MAPRE3: variants seen among roughly 807,000 people sequenced by gnomAD.
MAPRE3 encodes the protein microtubule-associated protein RP/EB family member 3.
MAPRE3 carries 2 observed loss-of-function variants against 30.5 expected under a neutral mutation model. That is an observed-to-expected ratio of 0.07 (90% confidence interval 0.03 to 0.21). The LOEUF is 0.21. Among genes scored for constraint, MAPRE3 ranks in the 10% least tolerant of loss-of-function variants. The probability of loss-of-function intolerance (pLI) is 1.00; values close to 1 mark genes in which losing one functional copy is unlikely to be tolerated. For synonymous variants in MAPRE3, 110 were observed against 127.7 expected, an observed-to-expected ratio of 0.86 and a Z score of 0.93; for missense variants, 204 against 351.8, an observed-to-expected ratio of 0.58 and a Z score of 3.36.
intron 1 of MAPRE3, among the ~76,000 whole-genome samples, chr2:26,999,339 C>A (rs1396504305): frequency 1.3e-5 from 2 of 151,938 alleles, no homozygotes; most frequent in Non-Finnish European, 2.9e-5. Context: ...CACAAAATGG[C>A]AACAACCTGG....
At chr2:27,020,342 G>A (rs1290472963) in intron 1 of MAPRE3, among the ~76,000 whole-genome samples, 1 of 152,210 alleles carries the variant, frequency 6.6e-6, no homozygotes, top group East Asian at 1.9e-4. Flanking sequence ...TTATTTCACA[G>A]AGACACTTTA....
intron 1 of MAPRE3, chr2:27,014,494 T>A (rs1177427869): frequency 6.6e-6 from 1 of 152,264 alleles, no homozygotes; most frequent in African/African-American, 2.4e-5. Context: ...GGAGTTTCAG[T>A]CCCTACCTGA....
chr2:26,997,158 G>T (rs751659804), intron 1 of MAPRE3, among the ~76,000 whole-genome samples: 1 of 152,124 alleles, frequency 6.6e-6, no homozygotes, highest in Admixed American at 6.5e-5. Flanking sequence ...TGGCACCAAG[G>T]TTTTGTGGAA....
chr2:26,979,628 C>T (rs1411385272), intron 1 of MAPRE3, among the ~76,000 whole-genome samples: 1 of 152,058 alleles, frequency 6.6e-6, no homozygotes, highest in African/African-American at 2.4e-5. Context: ...CAGAACCTGA[C>T]CTTGTCTCAA....
At chr2:27,018,762 C>G (rs1347307844) in intron 1 of MAPRE3, among the ~76,000 whole-genome samples, 1 of 152,140 alleles carries the variant, frequency 6.6e-6, no homozygotes, top group Non-Finnish European at 1.5e-5. Flanking sequence ...TGACTCCAGT[C>G]TGCAATTCCA....
intron 1 of MAPRE3, among the ~76,000 whole-genome samples, chr2:27,021,071 C>T (rs955502307): frequency 1.3e-5 from 2 of 151,998 alleles, no homozygotes; most frequent in African/African-American, 2.4e-5. Context: ...CTATTTACAT[C>T]GAAGTGACAT....
chr2:26,975,984 G>C (rs1666007999), intron 1 of MAPRE3, among the ~76,000 whole-genome samples: 1 of 152,130 alleles, frequency 6.6e-6, no homozygotes, highest in Non-Finnish European at 1.5e-5. Context: ...CCCTCCATCT[G>C]TTGACCAGCT....
In MAPRE3 at chr2:27,026,382, C is replaced by T. The variant is rs776983353; in HGVS notation, c.*34C>T. The T allele has an allele frequency of 1.3e-6, 2 of 1,538,254 alleles. No individual in the cohort carries two copies. Among genetic ancestry groups the T allele is most frequent in the South Asian group, 2.3e-5 (2 of 87,560 alleles). On this transcript the variant is annotated 3_prime_UTR_variant, in exon 7 of 7. Coordinates refer to ENST00000233121, the MANE Select transcript of MAPRE3 (RefSeq NM_012326.4). ...GCAGCCCTGGCTGACTGCACAGCTT[C>T]CCCGTGCCTCCCTCCCTGCTCCACT...
intron 1 of MAPRE3, among the ~76,000 whole-genome samples, chr2:27,007,268 T>C (rs1666751381): frequency 6.6e-6 from 1 of 152,210 alleles, no homozygotes; most frequent in African/African-American, 2.4e-5. Context: ...CTAATTTAAC[T>C]CACAAAAGGC....
intron 1 of MAPRE3, among the ~76,000 whole-genome samples, chr2:27,014,243 T>C (rs575053076): frequency 1.1e-3 from 170 of 152,300 alleles, no homozygotes; most frequent in African/African-American, 3.9e-3. Flanking sequence ...AGGGTTTCCG[T>C]TAACCCTCGA....
At position 27,025,633 on chromosome 2, in the gene MAPRE3, C is replaced by T. The variant is rs1230161170; in HGVS notation, c.520C>T (p.Arg174Trp). The T allele has an allele frequency of 1.3e-5, 21 of 1,605,142 alleles. No individual in the cohort carries two copies. The highest frequency in any genetic ancestry group is 1.7e-5 in the Non-Finnish European group (20 of 1,175,554). The change falls in exon 5 of 7, where the codon CGG becomes TGG. Residue 174 changes from arginine (R) to tryptophan (W), a missense_variant. By Grantham distance (101) the Arg-to-Trp change is moderately radical. Coordinates refer to ENST00000233121, the MANE Select transcript of MAPRE3 (RefSeq NM_012326.4). ...TGPKNMQTSG[R>W]LSNVAPPCIL... ...CCCAAAAAACATGCAGACCTCTGGC[C>T]GGCTGAGCAATGTGGCCCCCCCCTG...
At chr2:26,992,289 C>T (rs1368127469) in intron 1 of MAPRE3, among the ~76,000 whole-genome samples, 2 of 150,128 alleles carry the variant, frequency 1.3e-5, no homozygotes, top group Non-Finnish European at 1.5e-5. Context: ...TGCAGTGGTA[C>T]GATCTCATCT....
intron 1 of MAPRE3, among the ~76,000 whole-genome samples, chr2:27,018,652 C>G (rs1667040434): frequency 1.3e-5 from 2 of 152,088 alleles, no homozygotes; most frequent in African/African-American, 4.8e-5. Context: ...TTTCCTTGAC[C>G]CTACCCACTC....
At chr2:26,973,399 G>A (rs1198183272) in intron 1 of MAPRE3, among the ~76,000 whole-genome samples, 2 of 152,154 alleles carry the variant, frequency 1.3e-5, no homozygotes, top group East Asian at 3.8e-4. Context: ...GCTATTGAAC[G>A]GAGGAAAGTT....
At chr2:26,991,914 C>A (rs1666353235) in intron 1 of MAPRE3, among the ~76,000 whole-genome samples, 1 of 152,276 alleles carries the variant, frequency 6.6e-6, no homozygotes, top group African/African-American at 2.4e-5. Context: ...TCATGCTAGA[C>A]TTTGCACCTT....
intron 1 of MAPRE3, among the ~76,000 whole-genome samples, chr2:26,984,487 A>G (rs1386982754): frequency 6.6e-6 from 1 of 152,222 alleles, no homozygotes; most frequent in Non-Finnish European, 1.5e-5. Flanking sequence ...AGAAAATTAG[A>G]ACTACTTTTA....
chr2:26,980,806 T>C (rs2148198297), intron 1 of MAPRE3, among the ~76,000 whole-genome samples: 1 of 152,334 alleles, frequency 6.6e-6, no homozygotes, highest in Non-Finnish European at 1.5e-5. Context: ...GAATCATTTT[T>C]TATAAGAAGG....
Position 26,985,756 on chromosome 2 carries a change from G to C in MAPRE3, c.-8+14954G>C, listed in dbSNP as rs1666204464. Among the ~76,000 whole-genome samples the C allele has an allele frequency of 1.3e-5, 2 of 152,170 alleles. No individual in the cohort carries two copies. The highest frequency in any genetic ancestry group is 4.8e-5 in the African/African-American group (2 of 41,436). On this transcript the variant is annotated intron_variant, in intron 1 of 6. Transcript: ENST00000233121. This position sits in a 1 kb window ranked among gnomAD's most constrained non-coding sequence, Gnocchi z 4.2. ...GGATCTTGAGAGAGAGGTTTATCCT[G>C]GATTATCTGGGTGGGCCCTAAATGC...
chr2:26,999,487 T>C (rs1666538993), intron 1 of MAPRE3, among the ~76,000 whole-genome samples: 1 of 107,104 alleles, frequency 9.3e-6, no homozygotes, highest in Admixed American at 1.3e-4. Flanking sequence ...TTTCCTTCTT[T>C]CTTTTTTTTT....
Sources: allele counts gnomAD v4.1 joint callset (sites outside exome capture counted in the v4.1 genomes callset), GRCh38; gene constraint gnomAD v4.1.1; non-coding constraint Gnocchi (gnomAD v3.1); transcripts MANE v1.5; gene names NCBI Gene and HGNC (gene_info 2026-07-23, HGNC 2026-07-21).